FTSJ3: variants seen among roughly 807,000 people sequenced by gnomAD.
The protein encoded by FTSJ3 is pre-rRNA 2'-O-ribose RNA methyltransferase FTSJ3.
Under a neutral mutation model 111.5 loss-of-function variants are expected in FTSJ3, and 46 were observed. The observed-to-expected ratio is 0.41, with a 90% CI of 0.33 to 0.53. FTSJ3 has a LOEUF of 0.53. Ranked by LOEUF, FTSJ3 falls within the 20% of genes least tolerant of loss-of-function variation. FTSJ3 has a pLI of 0.19. For synonymous variants in FTSJ3, 408 were observed against 383.0 expected (o/e 1.07, Z -0.76); for missense variants, 1,075 against 1,063.8 (o/e 1.01, Z -0.15).
rs2040119940 is a variant in FTSJ3, at chr17:63,827,398, C to T, written c.-373G>A. 7 of 1,536,526 alleles carry T rather than the reference C, an allele frequency of 4.6e-6. No homozygotes were observed. The highest frequency in any genetic ancestry group is 1.4e-5 in the African/African-American group (1 of 72,870). ...ACACCCCGCCCATTGACCCGGAATT[C>T]TTCTCTGCCTGGTCTTCAGGTCCCA... On this transcript the variant is annotated 5_prime_UTR_variant, in exon 1 of 21. Coordinates refer to ENST00000427159, the MANE Select transcript of FTSJ3 (RefSeq NM_017647.4).
Position 63,827,048 on chromosome 17 carries a change from C to T in FTSJ3, c.-27+4G>A, listed in dbSNP as rs1246475612. 7.9e-6 allele frequency: 6 copies of T among 755,766 alleles called. No homozygotes were observed. Among genetic ancestry groups the T allele is most frequent in the Admixed American group, 4.2e-5 (2 of 47,194 alleles). 46.8% of individuals were successfully genotyped at this position (755,766 alleles called of 1,614,324 possible). A position where few individuals can be genotyped will look rare whatever the true frequency, so the allele number is the denominator to read the frequency against. ...TCCACCCCGCGCCCCTCTCCGCACACTACCTAGACCCAGAGCCGCTTTCTC... is the reference window on the plus strand; with the variant it reads ...TCCACCCCGCGCCCCTCTCCGCACATTACCTAGACCCAGAGCCGCTTTCTC... On this transcript the variant is annotated splice_donor_region_variant and intron_variant, in intron 1 of 20. Coordinates refer to ENST00000427159, the MANE Select transcript of FTSJ3 (RefSeq NM_017647.4).
intron 13 of FTSJ3, chr17:63,823,521 G>A: frequency 3.7e-6 from 1 of 268,702 alleles, no homozygotes; most frequent in Non-Finnish European, 7.1e-6. Flanking sequence ...TGTGAACCTG[G>A]AAGGTGGAGC....
intron 13 of FTSJ3, among the ~76,000 whole-genome samples, chr17:63,822,640 C>G (rs926367630): frequency 6.6e-6 from 1 of 152,164 alleles, no homozygotes; most frequent in African/African-American, 2.4e-5. Flanking sequence ...GGTAAAGATA[C>G]TAGGCTGGGT....
Position 63,824,932 on chromosome 17 carries a change from T to G in FTSJ3, c.712-3A>C. 6.3e-7 allele frequency: 1 copy of G among 1,578,792 alleles called. No homozygotes were observed. Among genetic ancestry groups the G allele is most frequent in the Non-Finnish European group, 8.6e-7 (1 of 1,162,854 alleles). On this transcript the variant is annotated splice_region_variant and splice_polypyrimidine_tract_variant and intron_variant, in intron 8 of 20. Transcript: ENST00000427159. Reference sequence around the variant, plus strand: ...TCACCCTCAGCATAGCCTTCAGCCTTAGGAAGGAAAAGAGAGAAGCTTGGT... The same window carrying G: ...TCACCCTCAGCATAGCCTTCAGCCTGAGGAAGGAAAAGAGAGAAGCTTGGT...
At position 63,824,377 on chromosome 17, in the gene FTSJ3, A is replaced by T. The variant is rs2040078221; in HGVS notation, c.952T>A (p.Tyr318Asn). The change falls in exon 11 of 21, where the codon TAT (tyrosine) becomes AAT (asparagine). Residue 318 changes from tyrosine to asparagine, a missense_variant. Physicochemically the swap from Tyr to Asn is moderately radical, Grantham distance 143 (BLOSUM62 -2). Coordinates refer to ENST00000427159, the MANE Select transcript of FTSJ3 (RefSeq NM_017647.4). ...LLNWRTKLRR[Y>N]VAKKLKEQAK... ...TGTTCTTTCAGCTTCTTGGCCACAT[A>T]TCGCCGAAGTTTTGTTCTCCAGTTT... 6.2e-7 allele frequency: 1 copy of T among 1,614,030 alleles called. No individual in the cohort carries two copies. The highest frequency in any genetic ancestry group is 8.5e-7 in the Non-Finnish European group (1 of 1,180,044).
At position 63,821,630 on chromosome 17, in the gene FTSJ3, C is replaced by G; in HGVS notation, c.1610G>C (p.Gly537Ala). 6.2e-7 allele frequency: 1 copy of G among 1,612,972 alleles called. No homozygotes were observed. Among genetic ancestry groups the G allele is most frequent in the Non-Finnish European group, 8.5e-7 (1 of 1,179,072 alleles). Reference protein sequence around the residue: ...NLWFSKGSFAGIEDDADEALE... With the variant: ...NLWFSKGSFAAIEDDADEALE... The stretch of plus-strand genomic sequence containing the variant: ...GGCCTCATCGGCATCGTCCTCGATC[C>G]CAGCAAAGCTGCCCTGTGATAGGAG... The change falls in exon 16 of 21, where the codon GGG (glycine) becomes GCG (alanine). Residue 537 changes from glycine (G) to alanine (A), a missense_variant. Physicochemically the swap from Gly to Ala is moderately conservative, Grantham distance 60 (BLOSUM62 0). Coordinates refer to ENST00000427159, the MANE Select transcript of FTSJ3 (RefSeq NM_017647.4).
At chr17:63,820,053 G>A (rs1219804325) in intron 20 of FTSJ3, 26 bp downstream of exon 20, 3 of 1,613,892 alleles carry the variant, frequency 1.9e-6, no homozygotes, top group Admixed American at 1.7e-5. Flanking sequence ...TTAGCCCTGT[G>A]TACCTTTGTG....
In FTSJ3 at chr17:63,819,621, CAGG is replaced by C. The variant is rs1839012248; in HGVS notation, c.*178_*180del. Reference sequence around the variant, plus strand: ...TTTTCATGGGAGACCTTCAGGCAGGCAGGAGGACATCCTCCTCTCTGCTCAGGA... The same window carrying C: ...TTTTCATGGGAGACCTTCAGGCAGGCAGGACATCCTCCTCTCTGCTCAGGA... On this transcript the variant is annotated 3_prime_UTR_variant, in exon 21 of 21. Transcript: ENST00000427159. 3.3e-6 allele frequency: 2 copies of C among 599,262 alleles called. No individual in the cohort carries two copies. The highest frequency in any genetic ancestry group is 3.0e-5 in the Admixed American group (1 of 33,162). 37.1% of individuals were successfully genotyped at this position (599,262 alleles called of 1,614,324 possible). A position where few individuals can be genotyped will look rare whatever the true frequency, so the allele number is the denominator to read the frequency against.
chr17:63,827,033 G>T lies in FTSJ3; in HGVS notation c.-27+19C>A, dbSNP rs1458039510. 6 of 811,104 alleles carry T rather than the reference G, an allele frequency of 7.4e-6. No individual in the cohort carries two copies. The Admixed American group carries it at 7.8e-5, about 11-fold the overall frequency. The allele number at this position is 811,104 out of a possible 1,614,324, so 50.2% of individuals were successfully genotyped here. A position where few individuals can be genotyped will look rare whatever the true frequency, so the allele number is the denominator to read the frequency against. ...ACTTCCCGCAGCAATTCCACCCCGC[G>T]CCCCTCTCCGCACACTACCTAGACC... On this transcript the variant is annotated intron_variant, in intron 1 of 20. Coordinates refer to ENST00000427159, the MANE Select transcript of FTSJ3 (RefSeq NM_017647.4).
At chr17:63,820,703 C>CGCTTGAACCTGGA in intron 18 of FTSJ3, 136 bp downstream of exon 18, 41 of 639,624 alleles carry the variant, frequency 6.4e-5, no homozygotes, top group Non-Finnish European at 9.2e-5. Context: ...CAAGGAGAAT[C>CGCTTGAACCTGGA]AGGCTGCAGT....
chr17:63,820,813 T>C, intron 18 of FTSJ3, 26 bp downstream of exon 18: 1 of 1,551,954 alleles, frequency 6.4e-7, no homozygotes, highest in African/African-American at 1.4e-5. Flanking sequence ...CCTGGGTCAC[T>C]CTTGATGAGT....
In FTSJ3 at chr17:63,825,072, T is replaced by C. The variant is rs776767738; in HGVS notation, c.687A>G (p.Glu229=). The change falls in exon 8 of 21, where the codon GAA becomes GAG. Residue 229 remains glutamate (E), a synonymous_variant. Transcript: ENST00000427159. The part of the protein sequence containing the change: ...EVEVQAKTVT[E]LVTKKKPKAE... The stretch of plus-strand genomic sequence containing the variant: ...CCTTTGGCTTCTTCTTAGTAACCAA[T>C]TCAGTAACGGTCTTAGCCTGAACTT... 1.2e-6 allele frequency: 2 copies of C among 1,614,128 alleles called. No homozygotes were observed. The highest frequency in any genetic ancestry group is 1.7e-6 in the Non-Finnish European group (2 of 1,179,988).
chr17:63,824,921 G>A lies in FTSJ3; in HGVS notation c.720C>T (p.Gly240=), dbSNP rs202019672. The A allele has an allele frequency of 1.8e-5, 29 of 1,582,346 alleles. No individual in the cohort carries two copies. The African/African-American group carries it at 3.4e-4, about 18-fold the overall frequency. The part of the protein sequence containing the change: ...LVTKKKPKAE[G]YAEGDLTLYH... Reference sequence around the variant, plus strand: ...AGAGAGTGAGGTCACCCTCAGCATAGCCTTCAGCCTTAGGAAGGAAAAGAG... The same window carrying A: ...AGAGAGTGAGGTCACCCTCAGCATAACCTTCAGCCTTAGGAAGGAAAAGAG... Residue 240 remains glycine, a synonymous_variant, in exon 9 of 21, where the codon GGC becomes GGT. Transcript: ENST00000427159.
intron 18 of FTSJ3, 115 bp downstream of exon 18, chr17:63,820,721 GATC>G: frequency 1.4e-6 from 1 of 705,924 alleles, no homozygotes; most frequent in Non-Finnish European, 2.4e-6. Context: ...AGTGAGCCAA[GATC>G]GTGCCATTGC....
intron 8 of FTSJ3, 24 bp from the exon 9 acceptor site, chr17:63,824,953 T>C: frequency 1.3e-6 from 2 of 1,575,582 alleles, no homozygotes; most frequent in Non-Finnish European, 1.7e-6. Context: ...AGAGAGAAGC[T>C]TGGTCAGGCC....
intron 13 of FTSJ3, among the ~76,000 whole-genome samples, chr17:63,823,073 C>T (rs2040065295): frequency 6.6e-6 from 1 of 152,132 alleles, no homozygotes; most frequent in African/African-American, 2.4e-5. Context: ...CACTCCCACA[C>T]ATAAGCCACA....
chr17:63,820,461 T>C (rs764625897), intron 18 of FTSJ3, 23 bp from the exon 19 acceptor site: 1 of 1,609,570 alleles, frequency 6.2e-7, no homozygotes, highest in Non-Finnish European at 8.5e-7. Context: ...GACATCTGTC[T>C]AATATCCAAC....
At position 63,826,283 on chromosome 17, in the gene FTSJ3, A is replaced by C; in HGVS notation, c.195T>G (p.Phe65Leu). ...CCACAATAAGGCTGGATACAGGCAT[A>C]AACTTGGCAGCTACCTGCAGCCTAT... Reference protein sequence around the residue: ...PGGWLQVAAKFMPVSSLIVGV... With the variant: ...PGGWLQVAAKLMPVSSLIVGV... The change falls in exon 4 of 21, where the codon TTT (phenylalanine) becomes TTG (leucine). Residue 65 changes from phenylalanine (F) to leucine (L), a missense_variant. Phe to Leu is a conservative substitution (Grantham distance 22). This residue lies in a region of FTSJ3 where 208 missense variants were observed against 266.9 expected (regional missense o/e 0.78). Coordinates refer to ENST00000427159, the MANE Select transcript of FTSJ3 (RefSeq NM_017647.4). The C allele has an allele frequency of 6.2e-7, 1 of 1,614,236 alleles. No homozygotes were observed. The highest frequency in any genetic ancestry group is 2.2e-5 in the East Asian group (1 of 44,896).
chr17:63,821,061 GTCA>G lies in FTSJ3; in HGVS notation c.1938_1940del (p.Asp647del), dbSNP rs1567751459. On this transcript the variant is annotated inframe_deletion, in exon 17 of 21. Coordinates refer to ENST00000427159, the MANE Select transcript of FTSJ3 (RefSeq NM_017647.4). ...CCTCAATAGGCACTATCTCAAACCC[GTCA>G]TCATCTGACTTAGGCCCACGGCTTC... 1 of 1,614,156 alleles carries G rather than the reference GTCA, an allele frequency of 6.2e-7. No individual in the cohort carries two copies. Among genetic ancestry groups the G allele is most frequent in the South Asian group, 1.1e-5 (1 of 91,084 alleles).
Sources: gnomAD v4.1 joint callset for allele counts (sites outside exome capture counted in the v4.1 genomes callset) on GRCh38, gnomAD v4.1.1 for gene constraint, gnomAD v4.1.1 regional missense constraint, MANE v1.5 for transcripts, NCBI Gene and HGNC (gene_info 2026-07-23, HGNC 2026-07-21) for gene names.